USP34: variants seen among roughly 807,000 people sequenced by gnomAD.
USP34 encodes ubiquitin specific peptidase 34.
USP34 carries 70 observed loss-of-function variants against 460.3 expected under a neutral mutation model. The ratio of observed to expected loss-of-function variants is 0.15; its 90% CI spans 0.13 to 0.19. The LOEUF (loss-of-function observed/expected upper bound fraction) is 0.19, where lower values mean the gene tolerates loss of function less well. Among genes scored for constraint, USP34 ranks in the 10% least tolerant of loss-of-function variants. The pLI is 1.00. For synonymous variants in USP34, 1,647 were observed against 1,405.3 expected (o/e 1.17, Z -3.85); for missense variants, 3,985 against 4,236.2 (o/e 0.94, Z 1.65).
At chr2:61,213,410 A>T (rs1227007167) in intron 68 of USP34, among the ~76,000 whole-genome samples, 1 of 152,168 alleles carries the variant, frequency 6.6e-6, no homozygotes, top group Non-Finnish European at 1.5e-5. Flanking sequence ...ACCGTCTATA[A>T]AGGACGGTCT....
chr2:61,210,380 T>C (rs532412343), intron 69 of USP34, among the ~76,000 whole-genome samples: 10 of 152,348 alleles, frequency 6.6e-5, no homozygotes, highest in South Asian at 6.2e-4. Flanking sequence ...TCTGTTATAA[T>C]TGCCTACAGT....
intron 1 of USP34, among the ~76,000 whole-genome samples, chr2:61,427,666 T>A (rs1383544033): frequency 6.6e-6 from 1 of 152,174 alleles, no homozygotes; most frequent in African/African-American, 2.4e-5. Flanking sequence ...CCAGCAGAAA[T>A]TCTGGAGCTG....
chr2:61,222,552 C>T (rs1687617373), intron 65 of USP34, 67 bp downstream of exon 65: 3 of 1,296,338 alleles, frequency 2.3e-6, no homozygotes, highest in Non-Finnish European at 3.3e-6. Context: ...AACAATTAGG[C>T]TCATTTGAAA....
chr2:61,330,079 A>G (rs1449448343), intron 20 of USP34, among the ~76,000 whole-genome samples: 1 of 152,208 alleles, frequency 6.6e-6, no homozygotes, highest in African/African-American at 2.4e-5. Context: ...ACAAAAAGGT[A>G]GAGATTAATG....
chr2:61,336,772 T>G (rs1270230894), intron 18 of USP34, among the ~76,000 whole-genome samples: 1 of 126,328 alleles, frequency 7.9e-6, no homozygotes, highest in African/African-American at 3.1e-5. Context: ...ATCATGTCAC[T>G]GCACTCCAGC....
At chr2:61,453,598 T>C (rs1695346653) in intron 1 of USP34, among the ~76,000 whole-genome samples, 1 of 150,442 alleles carries the variant, frequency 6.6e-6, no homozygotes, top group African/African-American at 2.5e-5. Flanking sequence ...TAATCCCAGC[T>C]ACTCAGGAGG....
At chr2:61,431,160 C>T (rs1694665718) in intron 1 of USP34, among the ~76,000 whole-genome samples, 1 of 152,084 alleles carries the variant, frequency 6.6e-6, no homozygotes, top group Non-Finnish European at 1.5e-5. Flanking sequence ...GGAATACATT[C>T]TAGTGTTTTA....
Position 61,188,922 on chromosome 2 carries a change from T to C in USP34, c.10021A>G (p.Arg3341Gly), listed in dbSNP as rs1432112749. ...NSLQEQEAKE[R>G]KTKDDEGATP... Reference sequence around the variant, plus strand: ...CCATAAAGCTAACCTTTAGTTTTTCTTTCTTTGGCTTCTTGCTCTTGGAGT... The same window carrying C: ...CCATAAAGCTAACCTTTAGTTTTTCCTTCTTTGGCTTCTTGCTCTTGGAGT... Residue 3341 changes from arginine (R) to glycine (G), a missense_variant, in exon 79 of 80, where the codon AGA (arginine) becomes GGA (glycine). Arg to Gly is a moderately radical substitution (Grantham distance 125). Around this residue, in one of 14 missense-constraint regions of USP34, gnomAD observed 506 missense variants for 439.0 expected, o/e 1.15. Transcript: ENST00000398571. 1 of 1,614,208 alleles carries C rather than the reference T, an allele frequency of 6.2e-7. No individual in the cohort carries two copies. The highest frequency in any genetic ancestry group is 1.1e-5 in the South Asian group (1 of 91,082).
At position 61,277,880 on chromosome 2, in the gene USP34, T is replaced by G. The variant is rs186075859; in HGVS notation, c.5433+285A>C. The G allele has an allele frequency of 1.4e-4, 44 of 314,964 alleles. No individual in the cohort carries two copies. In the East Asian group the frequency reaches 2.1e-3, roughly 15 times the overall value. 19.5% of individuals were successfully genotyped at this position (314,964 alleles called of 1,614,324 possible). On this transcript the variant is annotated intron_variant, in intron 41 of 79. Coordinates refer to ENST00000398571, the MANE Select transcript of USP34 (RefSeq NM_014709.4). Reference sequence around the variant, plus strand: ...GAATAAGTCTCTTGAGATCTGATGGTTTTATAAGGAGAAACCGCTTTCGCT... The same window carrying G: ...GAATAAGTCTCTTGAGATCTGATGGGTTTATAAGGAGAAACCGCTTTCGCT...
At chr2:61,419,227 C>G (rs1694288874) in intron 2 of USP34, among the ~76,000 whole-genome samples, 1 of 151,936 alleles carries the variant, frequency 6.6e-6, no homozygotes, top group Non-Finnish European at 1.5e-5. Context: ...CGCCCTGTAG[C>G]CCAGGCTGGT....
chr2:61,470,857 G>T lies in USP34; in HGVS notation c.-165C>A. 1 of 423,418 alleles carries T rather than the reference G, an allele frequency of 2.4e-6. No individual in the cohort carries two copies. 26.2% of individuals were successfully genotyped at this position (423,418 alleles called of 1,614,324 possible). A position where few individuals can be genotyped will look rare whatever the true frequency, so the allele number is the denominator to read the frequency against. On this transcript the variant is annotated 5_prime_UTR_variant, in exon 1 of 80. Transcript: ENST00000398571. ...GACGGGGCGGGGAGCAAGAGAATGG[G>T]GGAGGGGGCCGGCGGTCCCCGCAGC...
chr2:61,402,839 T>G (rs1016342377), intron 3 of USP34, among the ~76,000 whole-genome samples: 2 of 151,132 alleles, frequency 1.3e-5, no homozygotes, highest in Non-Finnish European at 2.9e-5. Flanking sequence ...TTAAAATAAT[T>G]GTGTGTATAT....
At chr2:61,381,161 C>A (rs1438328408) in intron 6 of USP34, among the ~76,000 whole-genome samples, 1 of 150,926 alleles carries the variant, frequency 6.6e-6, no homozygotes, top group African/African-American at 2.4e-5. Context: ...TCCTATGACC[C>A]TGCCAAATCC....
Position 61,348,384 on chromosome 2 carries a change from T to G in USP34, c.1771A>C (p.Asn591His). The change falls in exon 15 of 80, where the codon AAT (asparagine) becomes CAT (histidine). Residue 591 changes from asparagine to histidine, a missense_variant. This residue lies in a region of USP34 where 716 missense variants were observed against 626.2 expected (regional missense o/e 1.14). Transcript: ENST00000398571. ...CTTGCGTGGCTAGAATTAACCTCAT[T>G]GCTAGATCCATCACTATGCCCACTA... ...SSSGHSDGSS[N>H]EVNSSHASQS... The G allele has an allele frequency of 6.2e-7, 1 of 1,614,040 alleles. No homozygotes were observed. Among genetic ancestry groups the G allele is most frequent in the South Asian group, 1.1e-5 (1 of 91,080 alleles).
intron 8 of USP34, among the ~76,000 whole-genome samples, chr2:61,371,536 A>G (rs2103839711): frequency 6.6e-6 from 1 of 152,238 alleles, no homozygotes; most frequent in South Asian, 2.1e-4. Context: ...TGTGTTTTAA[A>G]TGTTATTATA....
Position 61,232,459 on chromosome 2 carries a change from A to C in USP34, c.7106T>G (p.Val2369Gly). The change falls in exon 58 of 80, where the codon GTG becomes GGG. Residue 2369 changes from valine (V) to glycine (G), a missense_variant. By Grantham distance (109) the Val-to-Gly change is moderately radical. This residue lies in a region of USP34 where 604 missense variants were observed against 684.8 expected (regional missense o/e 0.88). Transcript: ENST00000398571. ...QILIKCPNQIVRQMFQRLCIH... is the reference protein window; with the variant it reads ...QILIKCPNQIGRQMFQRLCIH... ...AAACATATTTTTCCTTACCTGTCTC[A>C]CAATTTGATTAGGGCACTTAATTAG... 1 of 1,606,910 alleles carries C rather than the reference A, an allele frequency of 6.2e-7. No homozygotes were observed. Among genetic ancestry groups the C allele is most frequent in the Non-Finnish European group, 8.5e-7 (1 of 1,178,018 alleles).
chr2:61,221,667 G>T, intron 65 of USP34, 61 bp from the exon 66 acceptor site: 1 of 1,485,368 alleles, frequency 6.7e-7, no homozygotes, highest in South Asian at 1.2e-5. Flanking sequence ...CTTCAGCAGA[G>T]AAGAAACATA....
chr2:61,404,698 T>C (rs572882718), intron 3 of USP34, among the ~76,000 whole-genome samples: 53 of 152,212 alleles, frequency 3.5e-4, no homozygotes, highest in Middle Eastern at 6.8e-3. Context: ...TCAAAGTAAA[T>C]TCACCTGCAT....
intron 75 of USP34, among the ~76,000 whole-genome samples, chr2:61,197,262 C>T (rs1686836807): frequency 6.6e-6 from 1 of 152,116 alleles, no homozygotes; most frequent in Non-Finnish European, 1.5e-5. Context: ...CAGAGTGAGA[C>T]TTTGTCTCAA....
Sources: allele counts gnomAD v4.1 joint callset (sites outside exome capture counted in the v4.1 genomes callset), GRCh38; gene constraint gnomAD v4.1.1; regional missense constraint gnomAD v4.1.1; transcripts MANE v1.5; gene names NCBI Gene and HGNC (gene_info 2026-07-23, HGNC 2026-07-21).